Variants in VPS53 observed in about 807,000 individuals in gnomAD.
The protein encoded by VPS53 is VPS53 subunit of GARP complex, also known as vacuolar protein sorting-associated protein 53 homolog.
VPS53 carries 70 observed loss-of-function variants against 107.0 expected under a neutral mutation model. That is an observed-to-expected ratio of 0.65 (90% CI 0.54 to 0.80). The LOEUF is 0.80. Ranked by LOEUF, VPS53 falls within the 30% of genes least tolerant of loss-of-function variation. The pLI, the probability that VPS53 is intolerant of heterozygous loss-of-function variation, is 0.00. For synonymous variants in VPS53, 409 were observed against 393.3 expected (o/e 1.04, Z -0.47); for missense variants, 917 against 1,049.4 (o/e 0.87, Z 1.74).
chr17:568,343 G>T (rs113495179), intron 13 of VPS53, among the ~76,000 whole-genome samples: 2,641 of 152,168 alleles, frequency 0.017, 75 homozygotes, highest in African/African-American at 0.06. Context: ...CCAGGCTCCA[G>T]CAATCCTCCC....
At chr17:673,455 G>A (rs548770554) in intron 4 of VPS53, among the ~76,000 whole-genome samples, 2 of 152,172 alleles carry the variant, frequency 1.3e-5, no homozygotes, top group East Asian at 1.9e-4. Context: ...CAGAGGCTGC[G>A]GGACTCTCAC....
rs754545160 is a variant in VPS53 at position 562,493 on chromosome 17, C to T, written c.1556+10G>A. The T allele has an allele frequency of 2.5e-6, 4 of 1,613,788 alleles. No homozygotes were observed. In the African/African-American group the frequency reaches 4.0e-5, roughly 16 times the overall value. The stretch of plus-strand genomic sequence containing the variant: ...TTGCCACCACTCAGACTATGAAGAA[C>T]AGGACTCACTTGGGCAGGTTGCCAG... On this transcript the variant is annotated intron_variant, in intron 14 of 21. Transcript: ENST00000437048.
At chr17:589,969 G>T (rs571199676) in intron 12 of VPS53, among the ~76,000 whole-genome samples, 2 of 152,204 alleles carry the variant, frequency 1.3e-5, no homozygotes, top group East Asian at 3.9e-4. Flanking sequence ...ACCTTGGGCA[G>T]TATGGCCATT....
chr17:684,770 G>A (rs780719097), intron 4 of VPS53, among the ~76,000 whole-genome samples: 4 of 151,848 alleles, frequency 2.6e-5, no homozygotes, highest in East Asian at 1.9e-4. Context: ...GTGAATCACC[G>A]AGGTCAGGAG....
intron 4 of VPS53, among the ~76,000 whole-genome samples, chr17:689,777 T>G (rs1297592007): frequency 4.6e-5 from 7 of 152,168 alleles, no homozygotes; most frequent in Admixed American, 1.3e-4. Flanking sequence ...CCCGGCCTAT[T>G]TTCGTTCTAA....
At chr17:562,088 A>C (rs1913053386) in intron 14 of VPS53, among the ~76,000 whole-genome samples, 1 of 152,252 alleles carries the variant, frequency 6.6e-6, no homozygotes, top group African/African-American at 2.4e-5. Flanking sequence ...AGGAAAAAGC[A>C]GATTCATTCC....
At chr17:608,842 G>T (rs1483244430) in intron 11 of VPS53, among the ~76,000 whole-genome samples, 1 of 151,666 alleles carries the variant, frequency 6.6e-6, no homozygotes, top group Non-Finnish European at 1.5e-5. Context: ...CAAACTCCTG[G>T]CTGTAAGAGA....
intron 17 of VPS53, among the ~76,000 whole-genome samples, chr17:546,888 T>C (rs1249608348): frequency 6.8e-6 from 1 of 147,434 alleles, no homozygotes; most frequent in African/African-American, 2.5e-5. Context: ...TTTTTTTTTT[T>C]TTTTGAGACA....
At chr17:560,270 T>A (rs1033283279) in intron 15 of VPS53, among the ~76,000 whole-genome samples, 156 bp downstream of exon 15, 5 of 152,252 alleles carry the variant, frequency 3.3e-5, no homozygotes, top group Non-Finnish European at 5.9e-5. Context: ...TGGGCAGCCT[T>A]ATGGCTGGAC....
intron 10 of VPS53, among the ~76,000 whole-genome samples, chr17:625,163 A>T (rs1043489157): frequency 2.0e-5 from 3 of 151,582 alleles, no homozygotes; most frequent in Non-Finnish European, 2.9e-5. Flanking sequence ...TAATTTTTGC[A>T]TTTTTTGTAG....
chr17:698,629 G>C (rs1158280896), intron 3 of VPS53, among the ~76,000 whole-genome samples: 2 of 151,828 alleles, frequency 1.3e-5, no homozygotes, highest in Non-Finnish European at 2.9e-5. Context: ...CTTGAGCCCA[G>C]GAGTTCGAGG....
chr17:539,614 A>T (rs1274217631), intron 17 of VPS53, among the ~76,000 whole-genome samples: 2 of 152,176 alleles, frequency 1.3e-5, no homozygotes, highest in Non-Finnish European at 2.9e-5. Context: ...CAGGAGGGTC[A>T]CTGGAGCCCA....
At chr17:607,278 C>G (rs971188570) in intron 11 of VPS53, among the ~76,000 whole-genome samples, 8 of 152,178 alleles carry the variant, frequency 5.3e-5, no homozygotes, top group African/African-American at 1.9e-4. Flanking sequence ...TTTGGGATCT[C>G]TCTAAGAAAT....
chr17:671,244 GAA>G (rs752884190), intron 4 of VPS53, among the ~76,000 whole-genome samples: 1 of 125,428 alleles, frequency 8.0e-6, no homozygotes, highest in African/African-American at 2.9e-5. Flanking sequence ...AGAAAAGAAA[GAA>G]GAAAGGAAAA....
intron 11 of VPS53, among the ~76,000 whole-genome samples, chr17:617,276 C>G (rs1441223529): frequency 6.6e-6 from 1 of 152,184 alleles, no homozygotes; most frequent in Non-Finnish European, 1.5e-5. Context: ...TGAAACCAGG[C>G]AGGAGCATGG....
intron 4 of VPS53, among the ~76,000 whole-genome samples, chr17:684,371 G>C (rs1972508765): frequency 6.6e-6 from 1 of 151,880 alleles, no homozygotes; most frequent in Non-Finnish European, 1.5e-5. Context: ...CACAATATAA[G>C]GTCAATAAAT....
At chr17:673,128 C>CAA in intron 4 of VPS53, among the ~76,000 whole-genome samples, 1 of 145,016 alleles carries the variant, frequency 6.9e-6, no homozygotes, top group South Asian at 2.4e-4. Flanking sequence ...AAAACAAAAA[C>CAA]AAAAACAAAA....
chr17:612,197 TAC>T (rs1968917180), intron 11 of VPS53, among the ~76,000 whole-genome samples: 1 of 149,654 alleles, frequency 6.7e-6, no homozygotes, highest in Non-Finnish European at 1.5e-5. Flanking sequence ...TGAAAACCTG[TAC>T]AGATATTCAC....
chr17:572,198 C>CAT (rs1914179357), intron 13 of VPS53, among the ~76,000 whole-genome samples: 1 of 151,444 alleles, frequency 6.6e-6, no homozygotes, highest in African/African-American at 2.4e-5. Context: ...CCCCGCCGCC[C>CAT]CGTCTGGGAT....
Sources: gnomAD v4.1 joint callset for allele counts (sites outside exome capture counted in the v4.1 genomes callset) on GRCh38, gnomAD v4.1.1 for gene constraint, MANE v1.5 for transcripts, NCBI Gene and HGNC (gene_info 2026-07-23, HGNC 2026-07-21) for gene names.